The following FBXW11 variants were observed in gnomAD, a reference collection of about 807,000 sequenced individuals.
The protein encoded by FBXW11 is F-box and WD repeat domain containing 11.
Under a neutral mutation model 77.6 loss-of-function variants are expected in FBXW11, and 19 were observed. That is an observed-to-expected ratio of 0.24 (90% confidence interval 0.17 to 0.36). The LOEUF is 0.36. Among genes scored for constraint, FBXW11 ranks in the 10% least tolerant of loss-of-function variants. The pLI, the probability that FBXW11 is intolerant of heterozygous loss-of-function variation, is 1.00. For missense variants in FBXW11, 334 were observed against 704.2 expected, an observed-to-expected ratio of 0.47 and a Z score of 5.95; for synonymous variants, 235 against 249.4, an observed-to-expected ratio of 0.94 and a Z score of 0.54.
At chr5:171,978,263 A>T (rs1764947428) in intron 1 of FBXW11, among the ~76,000 whole-genome samples, 1 of 152,230 alleles carries the variant, frequency 6.6e-6, no homozygotes, top group African/African-American at 2.4e-5. Flanking sequence ...GAGGTGTCAA[A>T]GTTGGGGTTA....
intron 13 of FBXW11, 36 bp downstream of exon 13, chr5:171,868,574 A>T: frequency 6.5e-7 from 1 of 1,529,852 alleles, no homozygotes; most frequent in Non-Finnish European, 8.8e-7. Flanking sequence ...GGTGAATTCA[A>T]TCAGCAAAAT....
At chr5:171,939,609 G>A (rs1209991756) in intron 2 of FBXW11, among the ~76,000 whole-genome samples, 1 of 150,032 alleles carries the variant, frequency 6.7e-6, no homozygotes, top group Non-Finnish European at 1.5e-5. Context: ...GAGTGGGGAG[G>A]ATCACTTGAT....
rs1056937687 is a variant in FBXW11, at chr5:171,862,348, A to G, written c.*1779T>C. On this transcript the variant is annotated 3_prime_UTR_variant, in exon 14 of 14. Transcript: ENST00000517395. ...TTTATTTTTAAAAGAAAAACTAAAA[A>G]AGCAAAGCCAACTCAATAAACAAAT... is the stretch of plus-strand genomic sequence containing the variant. 2.0e-5 allele frequency: 3 copies of G among 152,666 alleles called. No individual in the cohort carries two copies. Among genetic ancestry groups the G allele is most frequent in the Admixed American group, 6.5e-5 (1 of 15,284 alleles). The allele number at this position is 152,666 out of a possible 1,614,324, so 9.5% of individuals were successfully genotyped here.
chr5:171,923,881 C>G (rs953716693), intron 2 of FBXW11, among the ~76,000 whole-genome samples: 1 of 137,310 alleles, frequency 7.3e-6, no homozygotes, highest in Non-Finnish European at 1.5e-5. Context: ...CCTAGGCAGA[C>G]AGGGGAGGGT....
chr5:171,892,559 A>C (rs1295846317), intron 6 of FBXW11, among the ~76,000 whole-genome samples: 1 of 152,208 alleles, frequency 6.6e-6, no homozygotes, highest in African/African-American at 2.4e-5. Flanking sequence ...ACAATTCCAA[A>C]AGTGCCAAAT....
chr5:171,885,216 T>G (rs1453148298), intron 7 of FBXW11, among the ~76,000 whole-genome samples: 1 of 152,196 alleles, frequency 6.6e-6, no homozygotes, highest in East Asian at 1.9e-4. Flanking sequence ...TTTTAAAAGT[T>G]TCTTTTCCCT....
In FBXW11 at chr5:171,891,472, T is replaced by C; in HGVS notation, c.847A>G (p.Ile283Val). Residue 283 changes from isoleucine (I) to valine (V), a missense_variant, in exon 7 of 14, where the codon ATT (isoleucine) becomes GTT (valine). Coordinates refer to ENST00000517395, the MANE Select transcript of FBXW11 (RefSeq NM_001378974.1). ...KIISGLRDNS[I>V]KIWDKTSLEC... Reference sequence around the variant, plus strand: ...TAAAAAATTCAGTCATTCACCTTAATAGAATTATCTCGTAGGCCACTGATA... The same window carrying C: ...TAAAAAATTCAGTCATTCACCTTAACAGAATTATCTCGTAGGCCACTGATA... The C allele has an allele frequency of 6.3e-7, 1 of 1,591,756 alleles. No individual in the cohort carries two copies. Among genetic ancestry groups the C allele is most frequent in the Non-Finnish European group, 8.5e-7 (1 of 1,171,164 alleles).
At chr5:171,891,318 C>T (rs1759331451) in intron 7 of FBXW11, 149 bp downstream of exon 7, 1 of 610,546 alleles carries the variant, frequency 1.6e-6, no homozygotes, top group South Asian at 3.8e-5. Flanking sequence ...AATGCTCTGG[C>T]TCTAGTTCTT....
At chr5:171,923,729 AT>A (rs55905868) in intron 2 of FBXW11, among the ~76,000 whole-genome samples, 144,718 of 149,844 alleles carry the variant, frequency 0.97, 70,026 homozygotes, top group East Asian at 1. Context: ...TCTAAGATGT[AT>A]TTTTTTTTTT....
At chr5:171,890,343 C>T (rs1759256992) in intron 7 of FBXW11, among the ~76,000 whole-genome samples, 1 of 151,966 alleles carries the variant, frequency 6.6e-6, no homozygotes, top group African/African-American at 2.4e-5. Flanking sequence ...GGCAACACGG[C>T]AAAACACCAT....
chr5:172,005,989 C>T (rs903335638), intron 1 of FBXW11, among the ~76,000 whole-genome samples: 7 of 152,200 alleles, frequency 4.6e-5, no homozygotes, highest in African/African-American at 1.7e-4. Flanking sequence ...GGTGCTGAGA[C>T]CTCTCCTAGG....
chr5:172,003,012 C>T (rs975506712), intron 1 of FBXW11, among the ~76,000 whole-genome samples: 2 of 152,098 alleles, frequency 1.3e-5, no homozygotes, highest in African/African-American at 4.8e-5. Context: ...TAATAAGGAT[C>T]AGTGTATTTT....
chr5:171,899,875 TA>T, intron 5 of FBXW11, 38 bp downstream of exon 5: 1 of 1,512,402 alleles, frequency 6.6e-7, no homozygotes, highest in Non-Finnish European at 8.9e-7. Context: ...TCTATGTCAA[TA>T]AAATTTTTTC....
intron 13 of FBXW11, among the ~76,000 whole-genome samples, chr5:171,865,463 G>C (rs1757328149): frequency 6.6e-6 from 1 of 152,134 alleles, no homozygotes; most frequent in Admixed American, 6.5e-5. Context: ...TGTAACAACA[G>C]AGCATATCCA....
Position 171,891,503 on chromosome 5 carries a change from T to C in FBXW11, c.816A>G (p.Glu272=), listed in dbSNP as rs1263460633. ...KGVYCLQYDD[E]KIISGLRDNS... is the part of the protein sequence containing the mutation. Reference sequence around the variant, plus strand: ...TATCTCGTAGGCCACTGATAATTTTTTCATCATCGTACTGTAAACAGTAGA... The same window carrying C: ...TATCTCGTAGGCCACTGATAATTTTCTCATCATCGTACTGTAAACAGTAGA... The change falls in exon 7 of 14, where the codon GAA becomes GAG. Residue 272 remains glutamate, a synonymous_variant. Coordinates refer to ENST00000517395, the MANE Select transcript of FBXW11 (RefSeq NM_001378974.1). 1.9e-6 allele frequency: 3 copies of C among 1,598,928 alleles called. No homozygotes were observed. The highest frequency in any genetic ancestry group is 8.5e-7 in the Non-Finnish European group (1 of 1,173,918).
Position 171,904,203 on chromosome 5 carries a change from G to A in FBXW11, c.437-4103C>T, listed in dbSNP as rs1040434922. On this transcript the variant is annotated intron_variant, in intron 4 of 13. Transcript: ENST00000517395. The surrounding 1 kb of genome is among the most constrained non-coding windows in gnomAD (Gnocchi z 4.0). ...AGCTACTTGGCAGGATGAGGCGCGC[G>A]AGAACCACTTGAACCTAGGAGGTGG... Among the ~76,000 whole-genome samples the A allele has an allele frequency of 1.4e-4, 21 of 151,504 alleles. No homozygotes were observed. Among genetic ancestry groups the A allele is most frequent in the Non-Finnish European group, 3.1e-4 (21 of 67,894 alleles).
chr5:171,914,373 A>G lies in FBXW11; in HGVS notation c.180T>C (p.Asp60=). The change falls in exon 3 of 14, where the codon GAT becomes GAC. Residue 60 remains aspartate, a synonymous_variant. Transcript: ENST00000517395. ...AAAGAGTATTTTTCTTTGGGGACTC[A>G]TCTTCATTTTGATCTTCCATAACTG... ...NTSVMEDQNE[D]ESPKKNTLWQ... is the part of the protein sequence containing the mutation. The G allele has an allele frequency of 2.5e-6, 4 of 1,606,356 alleles. No homozygotes were observed. Among genetic ancestry groups the G allele is most frequent in the Non-Finnish European group, 3.4e-6 (4 of 1,177,124 alleles).
chr5:171,917,764 C>T (rs899182412), intron 2 of FBXW11, among the ~76,000 whole-genome samples: 1 of 65,674 alleles, frequency 1.5e-5, no homozygotes, highest in African/African-American at 4.5e-5. Flanking sequence ...TCTAGACTCA[C>T]TCTGTGTGTG....
rs1445331253 is a variant in FBXW11, at chr5:171,863,586, T to C, written c.*541A>G. 5.2e-5 allele frequency: 8 copies of C among 152,642 alleles called. No homozygotes were observed. Among genetic ancestry groups the C allele is most frequent in the Non-Finnish European group, 8.8e-5 (6 of 68,036 alleles). The allele number at this position is 152,642 out of a possible 1,614,324, so 9.5% of individuals were successfully genotyped here. A position where few individuals can be genotyped will look rare whatever the true frequency, so the allele number is the denominator to read the frequency against. On this transcript the variant is annotated 3_prime_UTR_variant, in exon 14 of 14. Coordinates refer to ENST00000517395, the MANE Select transcript of FBXW11 (RefSeq NM_001378974.1). ...TACTAAAACAATCCAGAGAAAATTTTCCACTGTCCAACATGTTCCTAATAC... is the reference window on the plus strand; with the variant it reads ...TACTAAAACAATCCAGAGAAAATTTCCCACTGTCCAACATGTTCCTAATAC...
Sources: gnomAD v4.1 joint callset for allele counts (sites outside exome capture counted in the v4.1 genomes callset) on GRCh38, gnomAD v4.1.1 for gene constraint, Gnocchi (gnomAD v3.1) non-coding constraint, MANE v1.5 for transcripts, NCBI Gene and HGNC (gene_info 2026-07-23, HGNC 2026-07-21) for gene names.